TANC2: variants seen among roughly 807,000 people sequenced by gnomAD.
TANC2 encodes the protein protein TANC2.
TANC2 carries 26 observed loss-of-function variants against 210.5 expected under a neutral mutation model. That is an observed-to-expected ratio of 0.12 (90% CI 0.09 to 0.17). The LOEUF is 0.17. Ranked by LOEUF, TANC2 falls within the 10% of genes least tolerant of loss-of-function variation. TANC2 has a pLI of 1.00. For synonymous variants in TANC2, 931 were observed against 967.1 expected (o/e 0.96, Z 0.69); for missense variants, 2,129 against 2,608.9 (o/e 0.82, Z 4.01).
chr17:63,180,034 A>C (rs2040726440), intron 5 of TANC2, among the ~76,000 whole-genome samples: 2 of 151,554 alleles, frequency 1.3e-5, no homozygotes, highest in South Asian at 4.2e-4. Flanking sequence ...CCAGCTACTC[A>C]AGAGGCTGAA....
chr17:63,401,384 T>C (rs1394934077), intron 19 of TANC2, among the ~76,000 whole-genome samples: 1 of 152,214 alleles, frequency 6.6e-6, no homozygotes, highest in Non-Finnish European at 1.5e-5. Flanking sequence ...TATGTAGCCA[T>C]TATTTTATGT....
intron 8 of TANC2, among the ~76,000 whole-genome samples, chr17:63,242,390 C>CTA (rs1302614386): frequency 1.3e-5 from 2 of 151,672 alleles, no homozygotes; most frequent in East Asian, 1.9e-4. Flanking sequence ...TAAAATATAT[C>CTA]TATATATATA....
Position 63,073,924 on chromosome 17 carries a change from T to G in TANC2, c.68-19T>G. 6.4e-7 allele frequency: 1 copy of G among 1,564,364 alleles called. No homozygotes were observed. The highest frequency in any genetic ancestry group is 2.4e-5 in the East Asian group (1 of 42,120). Reference sequence around the variant, plus strand: ...AATCTCATTATCTATTTGCTTATGCTCCTTTTAATTTTATGCAGATGGAGG... The same window carrying G: ...AATCTCATTATCTATTTGCTTATGCGCCTTTTAATTTTATGCAGATGGAGG... On this transcript the variant is annotated intron_variant, in intron 2 of 27. Transcript: ENST00000689528.
chr17:63,395,518 AC>A (rs750713397), intron 17 of TANC2, among the ~76,000 whole-genome samples: 29 of 152,294 alleles, frequency 1.9e-4, no homozygotes, highest in African/African-American at 6.0e-4. Flanking sequence ...AAAAAGTCTG[AC>A]CTTTTCTGAG....
At chr17:63,228,909 A>G (rs563056507) in intron 7 of TANC2, among the ~76,000 whole-genome samples, 15 of 152,248 alleles carry the variant, frequency 9.9e-5, no homozygotes, top group Admixed American at 3.3e-4. Flanking sequence ...TCCTATTTGA[A>G]TATGCTTTAT....
chr17:63,012,742 T>C (rs2033927851), intron 2 of TANC2, among the ~76,000 whole-genome samples: 1 of 152,106 alleles, frequency 6.6e-6, no homozygotes, highest in South Asian at 2.1e-4. Flanking sequence ...ACCTCAAACT[T>C]CTAGGCCCAA....
chr17:63,322,505 A>G (rs2045527290), intron 11 of TANC2, among the ~76,000 whole-genome samples: 2 of 152,238 alleles, frequency 1.3e-5, no homozygotes, highest in Non-Finnish European at 2.9e-5. Flanking sequence ...CTCAAAAAAA[A>G]AGAACAGACT....
intron 7 of TANC2, among the ~76,000 whole-genome samples, chr17:63,220,292 C>T (rs1234590428): frequency 6.7e-6 from 1 of 150,050 alleles, no homozygotes; most frequent in African/African-American, 2.5e-5. Flanking sequence ...AAGACTCCGT[C>T]TCATAAAAAA....
intron 4 of TANC2, among the ~76,000 whole-genome samples, chr17:63,105,851 G>A (rs2037803543): frequency 6.6e-6 from 1 of 151,454 alleles, no homozygotes; most frequent in South Asian, 2.1e-4. Context: ...ATAAACATTG[G>A]AATTCATAAT....
rs114350384 is a variant in TANC2, at chr17:63,175,183, G to T, written c.434-18808G>T. Among the ~76,000 whole-genome samples, 838 of 152,170 alleles carry T rather than the reference G, an allele frequency of 5.5e-3. 7 individuals carry two copies. Among genetic ancestry groups the T allele is most frequent in the African/African-American group, 0.018 (747 of 41,524 alleles). On this transcript the variant is annotated intron_variant, in intron 5 of 27. Transcript: ENST00000689528. Reference sequence around the variant, plus strand: ...CGAAGTTTAAAGCAATTTTACAAAAGAATAATAAAGTTAAAGGACTTATTT... The same window carrying T: ...CGAAGTTTAAAGCAATTTTACAAAATAATAATAAAGTTAAAGGACTTATTT...
At position 63,020,158 on chromosome 17, in the gene TANC2, C is replaced by T. The variant is rs144346642; in HGVS notation, c.67+10532C>T. 1.4e-3 allele frequency among the ~76,000 whole-genome samples: 207 copies of T among 152,318 alleles called. 1 individual carries two copies. Among genetic ancestry groups the T allele is most frequent in the African/African-American group, 4.6e-3 (193 of 41,560 alleles). ...GACCAGGCTCGTCTTGAACTCCTCA[C>T]CTCAGGTGATCCGCCTGCCTTGGCC... On this transcript the variant is annotated intron_variant, in intron 2 of 27. Transcript: ENST00000689528.
At chr17:63,208,252 A>G (rs895879131) in intron 7 of TANC2, among the ~76,000 whole-genome samples, 2 of 152,184 alleles carry the variant, frequency 1.3e-5, no homozygotes, top group Admixed American at 6.5e-5. Context: ...ATGTTTTTCT[A>G]TACAAATAAC....
At chr17:63,275,927 C>T (rs1416432692) in intron 9 of TANC2, among the ~76,000 whole-genome samples, 5 of 152,114 alleles carry the variant, frequency 3.3e-5, no homozygotes, top group Non-Finnish European at 7.4e-5. Context: ...AGAAAAATAA[C>T]ACACTCTTAA....
At chr17:63,308,764 G>T (rs1029615022) in intron 9 of TANC2, among the ~76,000 whole-genome samples, 13 of 152,022 alleles carry the variant, frequency 8.6e-5, no homozygotes, top group Non-Finnish European at 1.8e-4. Flanking sequence ...ATTCACCCAT[G>T]CATGACAGAA....
chr17:63,338,335 GT>G (rs879782938), intron 11 of TANC2, among the ~76,000 whole-genome samples: 161 of 151,928 alleles, frequency 1.1e-3, no homozygotes, highest in Non-Finnish European at 1.7e-3. Flanking sequence ...GCACAGATGG[GT>G]TTTTTTTAAT....
intron 3 of TANC2, among the ~76,000 whole-genome samples, chr17:63,080,851 C>G (rs1375604103): frequency 6.6e-6 from 1 of 152,058 alleles, no homozygotes; most frequent in Non-Finnish European, 1.5e-5. Flanking sequence ...TAAGACCGTT[C>G]TGTTTATGTG....
At chr17:63,276,256 G>T (rs999004891) in intron 9 of TANC2, among the ~76,000 whole-genome samples, 3 of 151,916 alleles carry the variant, frequency 2.0e-5, no homozygotes, top group African/African-American at 7.3e-5. Context: ...AAATTTCAAC[G>T]AATTAAAATA....
chr17:63,423,691 T>C (rs2049078084), exon 28 of TANC2: 1 of 152,200 alleles, frequency 6.6e-6, no homozygotes, highest in African/African-American at 2.4e-5. Context: ...AGCATTTCTT[T>C]ACTAATTTAG....
At chr17:63,253,046 C>T (rs925516129) in intron 8 of TANC2, among the ~76,000 whole-genome samples, 4 of 152,078 alleles carry the variant, frequency 2.6e-5, no homozygotes, top group Non-Finnish European at 5.9e-5. Context: ...GTACCATTTT[C>T]CATAGTGGCT....
Sources: gnomAD v4.1 joint callset for allele counts (sites outside exome capture counted in the v4.1 genomes callset) on GRCh38, gnomAD v4.1.1 for gene constraint, MANE v1.5 for transcripts, NCBI Gene and HGNC (gene_info 2026-07-23, HGNC 2026-07-21) for gene names.